The following ERICH1 variants were observed in gnomAD, a reference collection of about 807,000 sequenced individuals.
The protein encoded by ERICH1 is glutamate-rich protein 1.
ERICH1 carries 56 observed loss-of-function variants against 39.6 expected under a neutral mutation model. That is an observed-to-expected ratio of 1.41 (90% CI 1.14 to 1.77). ERICH1 has a LOEUF of 1.77. ERICH1 is among the 40% of genes most tolerant of loss of function. The pLI is 0.00. For missense variants in ERICH1, 826 were observed against 575.4 expected (o/e 1.44, Z -4.45); for synonymous variants, 313 against 223.6 (o/e 1.40, Z -3.57).
At chr8:685,487 G>A (rs193193079) in intron 3 of ERICH1, among the ~76,000 whole-genome samples, 2 of 152,340 alleles carry the variant, frequency 1.3e-5, no homozygotes, top group African/African-American at 2.4e-5. Context: ...ATGGGATTAA[G>A]AGATTAAAGA....
chr8:660,024 A>T (rs923121476), downstream of ERICH1, among the ~76,000 whole-genome samples: 2 of 152,226 alleles, frequency 1.3e-5, no homozygotes, highest in African/African-American at 4.8e-5. Flanking sequence ...CCCCTCATCA[A>T]CTCACTGTGC....
At chr8:671,313 G>T (rs906484749) in intron 4 of ERICH1, among the ~76,000 whole-genome samples, 1 of 150,560 alleles carries the variant, frequency 6.6e-6, no homozygotes, top group African/African-American at 2.5e-5. Context: ...GAACCTGCCG[G>T]CCCCGGCTCT....
intron 2 of ERICH1, among the ~76,000 whole-genome samples, chr8:711,400 T>C (rs1176811604): frequency 6.6e-6 from 1 of 152,204 alleles, no homozygotes; most frequent in African/African-American, 2.4e-5. Context: ...CCTTTGGTGT[T>C]GTAGCTAAAA....
chr8:719,048 C>T (rs866775639), intron 1 of ERICH1, among the ~76,000 whole-genome samples: 1 of 152,196 alleles, frequency 6.6e-6, no homozygotes, highest in Non-Finnish European at 1.5e-5. Context: ...TCCCCATAGA[C>T]CACCTAGGCA....
At chr8:628,018 T>C (rs1195693950) in intron 3 of ERICH1, among the ~76,000 whole-genome samples, 1 of 152,292 alleles carries the variant, frequency 6.6e-6, no homozygotes, top group Middle Eastern at 3.4e-3. Context: ...GGCGCCTTCC[T>C]GAGGAGTGAG....
intron 5 of ERICH1, chr8:668,217 C>T (rs1047760757): frequency 1.4e-5 from 4 of 286,414 alleles, no homozygotes; most frequent in South Asian, 3.8e-5. Context: ...GTCATCACCA[C>T]GTCAGGGGTT....
intron 1 of ERICH1, chr8:725,391 C>A (rs1818366118): frequency 6.5e-6 from 1 of 153,134 alleles, no homozygotes; most frequent in Non-Finnish European, 1.5e-5. Context: ...GCCCACTTTA[C>A]AGATGAGCCA....
chr8:728,757 T>C (rs985739618), intron 1 of ERICH1, among the ~76,000 whole-genome samples: 1 of 152,168 alleles, frequency 6.6e-6, no homozygotes, highest in Non-Finnish European at 1.5e-5. Flanking sequence ...GTGCTATACT[T>C]ACACTAGCAT....
intron 2 of ERICH1, among the ~76,000 whole-genome samples, chr8:706,033 G>T (rs77867585): frequency 6.6e-6 from 1 of 152,182 alleles, no homozygotes; most frequent in African/African-American, 2.4e-5. Flanking sequence ...ACTCACCATG[G>T]TGTTACAGTT....
At chr8:652,844 A>G (rs2117346576) in intron 3 of ERICH1, among the ~76,000 whole-genome samples, 1 of 152,334 alleles carries the variant, frequency 6.6e-6, no homozygotes, top group East Asian at 1.9e-4. Flanking sequence ...ACGCACGCAA[A>G]AAGATGTCCG....
intron 3 of ERICH1, among the ~76,000 whole-genome samples, chr8:654,489 G>A (rs1029031786): frequency 3.3e-5 from 5 of 152,180 alleles, no homozygotes; most frequent in Non-Finnish European, 7.3e-5. Flanking sequence ...GGCATTTTGT[G>A]AGAATTCAAG....
chr8:653,880 G>A (rs1800284520), intron 3 of ERICH1, among the ~76,000 whole-genome samples: 1 of 151,682 alleles, frequency 6.6e-6, no homozygotes, highest in African/African-American at 2.4e-5. Flanking sequence ...AGGGGAATCT[G>A]GACACAGGCT....
At position 641,822 on chromosome 8, in the gene ERICH1, G is replaced by A. The variant is rs575240902; in HGVS notation, c.977-26538C>T. Among the ~76,000 whole-genome samples the A allele has an allele frequency of 5.8e-4, 89 of 152,252 alleles. 1 individual carries two copies. The highest frequency in any genetic ancestry group is 1.1e-3 in the Non-Finnish European group (73 of 68,036). ...TTTGGTTCCTGCCCAGACCTCATCA[G>A]AATCAACGCCCCGGCTCTGTGCTGG... On this transcript the variant is annotated intron_variant, in intron 3 of 3. Transcript: ENST00000522706.
intron 3 of ERICH1, 117 bp from the exon 4 acceptor site, chr8:674,164 T>C (rs1225843115): frequency 1.7e-6 from 2 of 1,201,402 alleles, no homozygotes; most frequent in African/African-American, 1.5e-5. Context: ...GAGTTTACAC[T>C]ATTTACTTCG....
At chr8:650,131 C>T (rs1015354561) in intron 3 of ERICH1, among the ~76,000 whole-genome samples, 4 of 152,198 alleles carry the variant, frequency 2.6e-5, no homozygotes, top group Non-Finnish European at 2.9e-5. Context: ...ATGCCGGGAG[C>T]GCGCAGAGCT....
At chr8:715,358 G>T (rs868080173) in intron 2 of ERICH1, among the ~76,000 whole-genome samples, 1 of 152,370 alleles carries the variant, frequency 6.6e-6, no homozygotes, top group Middle Eastern at 3.4e-3. Flanking sequence ...GCACTGCAGG[G>T]ACCAGAGCTG....
chr8:689,134 C>T (rs988720948), intron 3 of ERICH1, among the ~76,000 whole-genome samples: 2 of 151,736 alleles, frequency 1.3e-5, no homozygotes, highest in Admixed American at 6.6e-5. Flanking sequence ...TTTTTTGAGG[C>T]GAATTCTCGC....
chr8:671,512 C>T (rs1217375593), intron 4 of ERICH1, among the ~76,000 whole-genome samples: 1 of 145,924 alleles, frequency 6.9e-6, no homozygotes, highest in Admixed American at 6.9e-5. Context: ...TCTGTGCTCA[C>T]TGGGCTCCAG....
chr8:666,091 C>G (rs567685105), intron 5 of ERICH1: 1 of 152,302 alleles, frequency 6.6e-6, no homozygotes, highest in African/African-American at 2.4e-5. Flanking sequence ...TTAGAGAAAA[C>G]AGGTTCCTAC....
Sources: allele counts gnomAD v4.1 joint callset (sites outside exome capture counted in the v4.1 genomes callset), GRCh38; gene constraint gnomAD v4.1.1; transcripts MANE v1.5; gene names NCBI Gene and HGNC (gene_info 2026-07-23, HGNC 2026-07-21).